Variants in UBE2E1 observed in about 807,000 individuals in gnomAD.
UBE2E1 encodes the protein ubiquitin conjugating enzyme E2 E1, also known as ubiquitin-conjugating enzyme E2 E1.
UBE2E1 carries 6 observed loss-of-function variants against 21.4 expected under a neutral mutation model. The observed-to-expected ratio is 0.28, with a 90% CI of 0.15 to 0.55. The LOEUF (loss-of-function observed/expected upper bound fraction) is 0.55. Ranked by LOEUF, UBE2E1 falls within the 20% of genes least tolerant of loss-of-function variation. The probability of loss-of-function intolerance (pLI) is 0.93; values close to 1 mark genes in which losing one functional copy is unlikely to be tolerated. For missense variants in UBE2E1, 142 were observed against 236.5 expected (o/e 0.60, Z 2.62); for synonymous variants, 87 against 82.7 (o/e 1.05, Z -0.28).
intron 3 of UBE2E1, among the ~76,000 whole-genome samples, chr3:23,850,837 C>CTTTTTTTTTT (rs71057628): frequency 2.3e-5 from 3 of 128,410 alleles, no homozygotes; most frequent in African/African-American, 5.7e-5. Context: ...CCACACCCAG[C>CTTTTTTTTTT]TTTTTTTTTT....
At chr3:23,838,263 C>T (rs181370088) in intron 3 of UBE2E1, among the ~76,000 whole-genome samples, 19 of 151,962 alleles carry the variant, frequency 1.3e-4, no homozygotes, top group African/African-American at 2.2e-4. Flanking sequence ...GAAAATGTTT[C>T]GCCATGTTGC....
Position 23,806,649 on chromosome 3 carries a change from G to A in UBE2E1, c.-34+561G>A, listed in dbSNP as rs1379108356. ...CGGGAGGGGCGTCGGGGCGCGGCGCGGGGGGGCCTCGGGCCTCGTCGCCCC... is the reference window on the plus strand; with the variant it reads ...CGGGAGGGGCGTCGGGGCGCGGCGCAGGGGGGCCTCGGGCCTCGTCGCCCC... On this transcript the variant is annotated intron_variant, in intron 1 of 5. Coordinates refer to ENST00000306627, the MANE Select transcript of UBE2E1 (RefSeq NM_003341.5). This position sits in a 1 kb window ranked among gnomAD's most constrained non-coding sequence, Gnocchi z 6.5. 2.6e-5 allele frequency among the ~76,000 whole-genome samples: 4 copies of A among 151,366 alleles called. No individual in the cohort carries two copies. The highest frequency in any genetic ancestry group is 4.4e-5 in the Non-Finnish European group (3 of 67,682).
chr3:23,876,677 C>T lies in UBE2E1; in HGVS notation c.204-10890C>T, dbSNP rs1031094230. ...TTGTCTTAATAGAGCTAGGCATTAC[C>T]AGGGTTGATGCATATTTATTACTGC... On this transcript the variant is annotated intron_variant, in intron 3 of 5. Transcript: ENST00000306627. This position sits in a 1 kb window ranked among gnomAD's most constrained non-coding sequence, Gnocchi z 4.3. Among the ~76,000 whole-genome samples the T allele has an allele frequency of 6.6e-6, 1 of 151,526 alleles. No individual in the cohort carries two copies. Among genetic ancestry groups the T allele is most frequent in the Non-Finnish European group, 1.5e-5 (1 of 67,918 alleles).
chr3:23,879,331 C>G, intron 3 of UBE2E1: 1 of 728,798 alleles, frequency 1.4e-6, no homozygotes, highest in Admixed American at 2.1e-5. Flanking sequence ...TTAATTTTCT[C>G]CGTGTTAAAT....
At chr3:23,827,516 C>G (rs908628644) in intron 3 of UBE2E1, among the ~76,000 whole-genome samples, 23 of 152,092 alleles carry the variant, frequency 1.5e-4, no homozygotes, top group Non-Finnish European at 2.4e-4. Flanking sequence ...GAAAGAGAAC[C>G]TTAAAATGCT....
chr3:23,848,563 A>G (rs1453825558), intron 3 of UBE2E1, among the ~76,000 whole-genome samples: 1 of 152,196 alleles, frequency 6.6e-6, no homozygotes. Context: ...ATATGTCCTT[A>G]TGCTTAATAA....
At chr3:23,811,350 A>G in intron 2 of UBE2E1, 110 bp from the exon 3 acceptor site, 2 of 1,012,886 alleles carry the variant, frequency 2.0e-6, no homozygotes, top group South Asian at 2.6e-5. Context: ...TTTGCCCAGT[A>G]GAATCCAGTG....
In UBE2E1 at chr3:23,887,441, T is replaced by C. The variant is rs917113129; in HGVS notation, c.204-126T>C. ...AGTTCTGCATCCGTTTCTGTACTTG[T>C]TTTGTAAAGAGAATCCACACAGTAA... On this transcript the variant is annotated intron_variant, in intron 3 of 5. Coordinates refer to ENST00000306627, the MANE Select transcript of UBE2E1 (RefSeq NM_003341.5). The surrounding 1 kb of genome is among the most constrained non-coding windows in gnomAD (Gnocchi z 4.4). The C allele has an allele frequency of 3.1e-6, 4 of 1,310,852 alleles. No individual in the cohort carries two copies. Among genetic ancestry groups the C allele is most frequent in the African/African-American group, 3.0e-5 (2 of 67,728 alleles). The allele number at this position is 1,310,852 out of a possible 1,614,324, so 81.2% of individuals were successfully genotyped here.
intron 3 of UBE2E1, among the ~76,000 whole-genome samples, chr3:23,854,573 A>G (rs533779634): frequency 1.6e-4 from 24 of 152,238 alleles, no homozygotes; most frequent in African/African-American, 5.3e-4. Context: ...GGCTCTTTTG[A>G]GTCAGGTATC....
chr3:23,870,899 C>T lies in UBE2E1; in HGVS notation c.204-16668C>T, dbSNP rs1043184058. The stretch of plus-strand genomic sequence containing the variant: ...TGATTCTTAACGAGCATGCTGCCTT[C>T]AAGCATCTGTTTAACAAAGCACATC... On this transcript the variant is annotated intron_variant, in intron 3 of 5. Coordinates refer to ENST00000306627, the MANE Select transcript of UBE2E1 (RefSeq NM_003341.5). This position sits in a 1 kb window ranked among gnomAD's most constrained non-coding sequence, Gnocchi z 4.2. 3.3e-5 allele frequency among the ~76,000 whole-genome samples: 5 copies of T among 152,074 alleles called. No individual in the cohort carries two copies. Among genetic ancestry groups the T allele is most frequent in the African/African-American group, 9.7e-5 (4 of 41,410 alleles).
chr3:23,806,037 A>AGCCGCAGCAGCAGCCGCC lies in UBE2E1; in HGVS notation c.-82_-65dup, dbSNP rs1699256492. ...GACACGAGTGGCCAGGCCCAGCCGCAGCCGCAGCAGCAGCCGCCGCGGCGG... is the reference window on the plus strand; with the variant it reads ...GACACGAGTGGCCAGGCCCAGCCGCAGCCGCAGCAGCAGCCGCCGCCGCAGCAGCAGCCGCCGCGGCGG... On this transcript the variant is annotated 5_prime_UTR_variant, in exon 1 of 6. Coordinates refer to ENST00000306627, the MANE Select transcript of UBE2E1 (RefSeq NM_003341.5). The surrounding 1 kb of genome is among the most constrained non-coding windows in gnomAD (Gnocchi z 6.5). The AGCCGCAGCAGCAGCCGCC allele has an allele frequency of 6.6e-6, 1 of 151,958 alleles. No individual in the cohort carries two copies. The highest frequency in any genetic ancestry group is 1.9e-4 in the South Asian group (1 of 5,180). The allele number at this position is 151,958 out of a possible 1,614,324, so 9.4% of individuals were successfully genotyped here.
At chr3:23,843,340 A>G (rs187790749) in intron 3 of UBE2E1, among the ~76,000 whole-genome samples, 2 of 152,298 alleles carry the variant, frequency 1.3e-5, no homozygotes, top group Non-Finnish European at 2.9e-5. Context: ...GACATTCGGA[A>G]CTGTGCACAA....
intron 3 of UBE2E1, among the ~76,000 whole-genome samples, chr3:23,825,823 A>C (rs1263915003): frequency 6.6e-6 from 1 of 152,218 alleles, no homozygotes; most frequent in East Asian, 1.9e-4. Context: ...GGAGAGCTTT[A>C]AATGGAGGAG....
chr3:23,840,587 C>T (rs1575822379), intron 3 of UBE2E1, among the ~76,000 whole-genome samples: 1 of 152,102 alleles, frequency 6.6e-6, no homozygotes, highest in Non-Finnish European at 1.5e-5. Context: ...GCTGGATGGC[C>T]CATAAGTTAC....
chr3:23,888,952 G>A (rs1365442864), intron 4 of UBE2E1, among the ~76,000 whole-genome samples, 160 bp from the exon 5 acceptor site: 2 of 152,226 alleles, frequency 1.3e-5, no homozygotes, highest in Non-Finnish European at 2.9e-5. Flanking sequence ...CAGTCCCTGA[G>A]ATGGTATCAA....
chr3:23,879,421 C>A, intron 3 of UBE2E1: 1 of 454,668 alleles, frequency 2.2e-6, no homozygotes, highest in South Asian at 1.9e-5. Context: ...AGTACAAACC[C>A]AGGAAAACAG....
intron 3 of UBE2E1, chr3:23,879,127 G>A (rs1213479127): frequency 5.3e-6 from 3 of 562,108 alleles, no homozygotes; most frequent in South Asian, 1.5e-5. Flanking sequence ...TAGAGGGACT[G>A]CTTGGTTTTC....
Position 23,806,329 on chromosome 3 carries a change from G to T in UBE2E1, c.-34+241G>T, listed in dbSNP as rs1575793311. 6.6e-6 allele frequency among the ~76,000 whole-genome samples: 1 copy of T among 151,244 alleles called. No homozygotes were observed. Among genetic ancestry groups the T allele is most frequent in the East Asian group, 2.0e-4 (1 of 5,084 alleles). On this transcript the variant is annotated intron_variant, in intron 1 of 5. Coordinates refer to ENST00000306627, the MANE Select transcript of UBE2E1 (RefSeq NM_003341.5). The surrounding 1 kb of genome is among the most constrained non-coding windows in gnomAD (Gnocchi z 6.5). The stretch of plus-strand genomic sequence containing the variant: ...GGGGCCGCCCGCATTGAGGACGGGG[G>T]TCATTGTGGCTCGAACTGTCAGCGC...
chr3:23,811,778 C>G (rs1019021916), intron 3 of UBE2E1, among the ~76,000 whole-genome samples: 2 of 152,172 alleles, frequency 1.3e-5, no homozygotes, highest in South Asian at 2.1e-4. Context: ...AAAGGTGTCT[C>G]CTTGCCTAAT....
Sources: allele counts gnomAD v4.1 joint callset (sites outside exome capture counted in the v4.1 genomes callset), GRCh38; gene constraint gnomAD v4.1.1; non-coding constraint Gnocchi (gnomAD v3.1); transcripts MANE v1.5; gene names NCBI Gene and HGNC (gene_info 2026-07-23, HGNC 2026-07-21).